SIPA1L1: variants seen among roughly 807,000 people sequenced by gnomAD.
SIPA1L1 encodes signal-induced proliferation-associated 1-like protein 1.
In SIPA1L1, 26 loss-of-function variants were observed where a neutral mutation model predicts 162.7. That is an observed-to-expected ratio of 0.16 (90% CI 0.12 to 0.22). SIPA1L1 has a LOEUF of 0.22. Among genes scored for constraint, SIPA1L1 ranks in the 10% least tolerant of loss-of-function variants. SIPA1L1 has a pLI of 1.00. For synonymous variants in SIPA1L1, 829 were observed against 837.4 expected (o/e 0.99, Z 0.17); for missense variants, 1,874 against 2,241.0 (o/e 0.84, Z 3.31).
chr14:71,338,520 A>G (rs1394320840), intron 2 of SIPA1L1, among the ~76,000 whole-genome samples: 1 of 152,120 alleles, frequency 6.6e-6, no homozygotes, highest in Non-Finnish European at 1.5e-5. Context: ...GGGCGTTCAC[A>G]TGATTCACAT....
chr14:71,506,841 C>G (rs990743855), intron 2 of SIPA1L1, among the ~76,000 whole-genome samples: 1 of 61,404 alleles, frequency 1.6e-5, no homozygotes, highest in Admixed American at 1.7e-4. Flanking sequence ...CCTTTTTTTT[C>G]TTCTTTGACA....
intron 4 of SIPA1L1, among the ~76,000 whole-genome samples, chr14:71,556,093 C>T (rs1481677521): frequency 6.6e-6 from 1 of 152,282 alleles, no homozygotes; most frequent in South Asian, 2.1e-4. Context: ...GGTTGCCTCA[C>T]ACCTTCAATT....
At chr14:71,467,112 AT>A (rs1459827355) in intron 2 of SIPA1L1, 1 of 152,182 alleles carries the variant, frequency 6.6e-6, no homozygotes, top group Non-Finnish European at 1.5e-5. Context: ...TTCCATTGCC[AT>A]TTCAGTGTCC....
At chr14:71,495,867 T>C (rs1284466909) in intron 2 of SIPA1L1, among the ~76,000 whole-genome samples, 4 of 107,804 alleles carry the variant, frequency 3.7e-5, no homozygotes, top group South Asian at 3.1e-4. Flanking sequence ...CTGGGTAACA[T>C]AGTGACACTC....
intron 2 of SIPA1L1, among the ~76,000 whole-genome samples, chr14:71,504,553 T>C (rs1391647906): frequency 1.3e-5 from 2 of 152,172 alleles, no homozygotes; most frequent in Non-Finnish European, 2.9e-5. Context: ...ATACCTTCTA[T>C]TGTAAGGCAC....
chr14:71,730,366 G>A (rs995894732), intron 20 of SIPA1L1, 65 bp downstream of exon 20: 1 of 1,577,518 alleles, frequency 6.3e-7, no homozygotes. Context: ...CCCAGACGTG[G>A]CTGCCACTCA....
chr14:71,518,243 C>A (rs1375420421), intron 3 of SIPA1L1, among the ~76,000 whole-genome samples: 1 of 151,406 alleles, frequency 6.6e-6, no homozygotes, highest in Non-Finnish European at 1.5e-5. Flanking sequence ...AAGATCATAC[C>A]ACTGCACTTC....
At chr14:71,651,045 A>C (rs2042576986) in intron 8 of SIPA1L1, among the ~76,000 whole-genome samples, 1 of 152,190 alleles carries the variant, frequency 6.6e-6, no homozygotes, top group Admixed American at 6.5e-5. Context: ...AGTTTAGCTC[A>C]TAAAATGTGT....
chr14:71,482,228 C>A (rs1486299242), intron 2 of SIPA1L1, among the ~76,000 whole-genome samples: 2 of 152,130 alleles, frequency 1.3e-5, no homozygotes, highest in Non-Finnish European at 2.9e-5. Flanking sequence ...GCTAAGGATT[C>A]AAATCTACAG....
intron 12 of SIPA1L1, among the ~76,000 whole-genome samples, chr14:71,680,320 A>G (rs1268478815): frequency 6.6e-6 from 1 of 152,246 alleles, no homozygotes; most frequent in Non-Finnish European, 1.5e-5. Flanking sequence ...CTGCTCCTGA[A>G]TGACTACTGG....
At chr14:71,486,292 C>T (rs538196181) in intron 2 of SIPA1L1, among the ~76,000 whole-genome samples, 22 of 152,358 alleles carry the variant, frequency 1.4e-4, no homozygotes, top group South Asian at 1.2e-3. Context: ...GGGGAAACCA[C>T]TTGGGGTGGT....
chr14:71,334,455 C>T (rs1425455064), intron 2 of SIPA1L1, among the ~76,000 whole-genome samples: 1 of 152,110 alleles, frequency 6.6e-6, no homozygotes, highest in Non-Finnish European at 1.5e-5. Context: ...TCCTGCAATT[C>T]CTGGGCAGCT....
intron 2 of SIPA1L1, among the ~76,000 whole-genome samples, chr14:71,426,687 T>G (rs2043594072): frequency 6.6e-6 from 1 of 152,090 alleles, no homozygotes; most frequent in Non-Finnish European, 1.5e-5. Context: ...AGACGGGGTT[T>G]CACCATGTTG....
chr14:71,491,117 C>T (rs1445750536), intron 2 of SIPA1L1, among the ~76,000 whole-genome samples: 1 of 152,140 alleles, frequency 6.6e-6, no homozygotes, highest in Non-Finnish European at 1.5e-5. Context: ...AAATTAAATT[C>T]ACCTATTAAT....
intron 2 of SIPA1L1, among the ~76,000 whole-genome samples, chr14:71,431,985 A>T (rs918605835): frequency 2.3e-4 from 35 of 152,254 alleles, no homozygotes; most frequent in African/African-American, 8.2e-4. Context: ...AGGCTTTGAC[A>T]AAAAGGAGGT....
chr14:71,365,892 ATTTT>A (rs1555405458), intron 2 of SIPA1L1, among the ~76,000 whole-genome samples: 1 of 84,744 alleles, frequency 1.2e-5, no homozygotes. Context: ...TGCCTGGTTA[ATTTT>A]TTTTTTTTTT....
chr14:71,451,706 T>A (rs929047498), intron 2 of SIPA1L1, among the ~76,000 whole-genome samples: 1 of 151,662 alleles, frequency 6.6e-6, no homozygotes, highest in South Asian at 2.1e-4. Context: ...GTGTACTACA[T>A]TCTTGCTAAG....
chr14:71,735,656 TG>T, intron 22 of SIPA1L1: 3 of 351,244 alleles, frequency 8.5e-6, no homozygotes, highest in African/African-American at 2.1e-5. Context: ...CAGGGCCAGT[TG>T]GGGCAGGTAG....
At chr14:71,509,598 G>A (rs895236044) in intron 2 of SIPA1L1, among the ~76,000 whole-genome samples, 9 of 152,048 alleles carry the variant, frequency 5.9e-5, no homozygotes, top group African/African-American at 2.2e-4. Flanking sequence ...CAAAAAATTA[G>A]CTGGGTGTGG....
Sources: allele counts gnomAD v4.1 joint callset (sites outside exome capture counted in the v4.1 genomes callset), GRCh38; gene constraint gnomAD v4.1.1; transcripts MANE v1.5; gene names NCBI Gene and HGNC (gene_info 2026-07-23, HGNC 2026-07-21).